UPK1B: variants seen among roughly 807,000 people sequenced by gnomAD.
UPK1B encodes uroplakin-1b.
A neutral mutation model predicts 34.2 loss-of-function variants in UPK1B; 28 were observed. The observed-to-expected ratio is 0.82, with a 90% CI of 0.61 to 1.12. UPK1B has a LOEUF of 1.12. Among genes scored for constraint, UPK1B ranks in the 50% most tolerant of loss-of-function variants. UPK1B has a pLI of 0.00. For synonymous variants in UPK1B, 81 were observed against 110.4 expected (o/e 0.73, Z 1.67); for missense variants, 325 against 320.9 (o/e 1.01, Z -0.10).
At chr3:119,184,678 A>G (rs1303041132) in intron 1 of UPK1B, among the ~76,000 whole-genome samples, 2 of 152,184 alleles carry the variant, frequency 1.3e-5, no homozygotes, top group Non-Finnish European at 2.9e-5. Flanking sequence ...GTGAGCCAAG[A>G]TCGTGCCACT....
chr3:119,190,212 G>C, intron 3 of UPK1B, 33 bp from the exon 4 acceptor site: 1 of 1,514,636 alleles, frequency 6.6e-7, no homozygotes, highest in Non-Finnish European at 9.0e-7. Flanking sequence ...ACGGGTAAAT[G>C]TAATTCTTTT....
At position 119,199,095 on chromosome 3, in the gene UPK1B, C is replaced by T. The variant is rs115585818; in HGVS notation, c.687C>T (p.His229=). ...TGATCTCTGGTCCAATGAACCGACA[C>T]GCCTGGGGGGTTGCCTGGTTTGGAT... ...YELISGPMNR[H]AWGVAWFGFA... The change falls in exon 7 of 8, where the codon CAC becomes CAT. Residue 229 remains histidine, a synonymous_variant. Coordinates refer to ENST00000264234, the MANE Select transcript of UPK1B (RefSeq NM_006952.4). 3,241 of 1,614,180 alleles carry T rather than the reference C, an allele frequency of 2.0e-3. 48 individuals are homozygous for T. In the African/African-American group the frequency reaches 0.035, roughly 17 times the overall value.
At chr3:119,180,794 A>G (rs575616796) in intron 1 of UPK1B, among the ~76,000 whole-genome samples, 2 of 152,304 alleles carry the variant, frequency 1.3e-5, no homozygotes, top group South Asian at 4.1e-4. Context: ...AAAGAACCCT[A>G]AACATCAGCC....
At chr3:119,190,377 A>G (rs2078038654) in intron 4 of UPK1B, 58 bp downstream of exon 4, 5 of 1,325,332 alleles carry the variant, frequency 3.8e-6, no homozygotes, top group Non-Finnish European at 5.4e-6. Context: ...AACAACCAAC[A>G]TGTATTAACC....
chr3:119,203,096 AC>A (rs1040537836), intron 7 of UPK1B, among the ~76,000 whole-genome samples: 3 of 152,062 alleles, frequency 2.0e-5, no homozygotes, highest in Non-Finnish European at 2.9e-5. Context: ...TAATCCCAGC[AC>A]TTTGGGAGGC....
At chr3:119,188,774 C>T (rs1265936215) in intron 3 of UPK1B, among the ~76,000 whole-genome samples, 1 of 152,186 alleles carries the variant, frequency 6.6e-6, no homozygotes, top group South Asian at 2.1e-4. Context: ...GAACACGCCT[C>T]CAATCCCCCA....
chr3:119,179,093 C>A (rs982367591), intron 1 of UPK1B, among the ~76,000 whole-genome samples: 2 of 151,850 alleles, frequency 1.3e-5, no homozygotes, highest in Non-Finnish European at 2.9e-5. Context: ...AATCTCCACA[C>A]TTTGGAAGGC....
At chr3:119,180,755 C>T (rs183024562) in intron 1 of UPK1B, among the ~76,000 whole-genome samples, 1 of 152,042 alleles carries the variant, frequency 6.6e-6, no homozygotes, top group Non-Finnish European at 1.5e-5. Context: ...CATTACTCTA[C>T]CCCTATGCAC....
At chr3:119,198,256 G>A (rs945316532) in intron 6 of UPK1B, among the ~76,000 whole-genome samples, 23 of 152,186 alleles carry the variant, frequency 1.5e-4, no homozygotes, top group African/African-American at 5.1e-4. Context: ...GTGGAAGATG[G>A]GGTGAGAGGC....
intron 1 of UPK1B, among the ~76,000 whole-genome samples, chr3:119,179,877 C>G (rs2077981532): frequency 7.4e-6 from 1 of 134,296 alleles, no homozygotes; most frequent in Middle Eastern, 4.3e-3. Flanking sequence ...CGGCTCATGG[C>G]AAACTCCGCC....
At chr3:119,186,083 G>T (rs6797796) in intron 1 of UPK1B, among the ~76,000 whole-genome samples, 3,375 of 152,194 alleles carry the variant, frequency 0.022, 89 homozygotes, top group East Asian at 0.13. Context: ...TTCTTCTTTT[G>T]CTACCGAACT....
intron 1 of UPK1B, among the ~76,000 whole-genome samples, chr3:119,179,520 T>TTTTTTTG: frequency 9.9e-6 from 1 of 100,662 alleles, no homozygotes; most frequent in Admixed American, 9.4e-5. Flanking sequence ...TTTTTTTTTT[T>TTTTTTTG]TTTTTTTGAG....
intron 1 of UPK1B, among the ~76,000 whole-genome samples, chr3:119,174,891 T>A (rs1576863875): frequency 1.0e-5 from 1 of 95,544 alleles, no homozygotes; most frequent in South Asian, 3.0e-4. Flanking sequence ...TCAACTCACC[T>A]ATTTTTTTTT....
intron 1 of UPK1B, among the ~76,000 whole-genome samples, chr3:119,181,176 G>A (rs1274341289): frequency 6.6e-6 from 1 of 152,186 alleles, no homozygotes; most frequent in Non-Finnish European, 1.5e-5. Flanking sequence ...TAGAGCTGGT[G>A]AGAAGATGCT....
At chr3:119,176,450 C>G (rs1033642250) in intron 1 of UPK1B, among the ~76,000 whole-genome samples, 1 of 151,894 alleles carries the variant, frequency 6.6e-6, no homozygotes, top group Non-Finnish European at 1.5e-5. Flanking sequence ...AGTGAAAGCA[C>G]AATAAAGAAA....
At chr3:119,203,634 C>T (rs2078104152) in intron 7 of UPK1B, among the ~76,000 whole-genome samples, 2 of 152,106 alleles carry the variant, frequency 1.3e-5, no homozygotes, top group Non-Finnish European at 2.9e-5. Flanking sequence ...GAACAACACA[C>T]ACCAGGGCCT....
At chr3:119,186,850 G>A (rs1375688290) in intron 2 of UPK1B, 40 bp downstream of exon 2, 4 of 1,588,348 alleles carry the variant, frequency 2.5e-6, no homozygotes, top group Middle Eastern at 1.7e-4. Context: ...TGCACTTCCT[G>A]TAATCATAAT....
intron 2 of UPK1B, 52 bp from the exon 3 acceptor site, chr3:119,187,723 C>T: frequency 6.3e-7 from 1 of 1,578,834 alleles, no homozygotes; most frequent in Non-Finnish European, 8.7e-7. Flanking sequence ...ACCCTCCACC[C>T]CCTTTCCCAA....
At position 119,204,505 on chromosome 3, in the gene UPK1B, C is replaced by G. The variant is rs2078110009; in HGVS notation, c.*538C>G. On this transcript the variant is annotated 3_prime_UTR_variant, in exon 8 of 8. Transcript: ENST00000264234. ...TGCCACCTTCAGATCCTTTTATTCT[C>G]CAGAATAATTCTTAACAGTGGTTCA... 2 of 153,574 alleles carry G rather than the reference C, an allele frequency of 1.3e-5. No individual in the cohort carries two copies. 9.5% of individuals were successfully genotyped at this position (153,574 alleles called of 1,614,324 possible). A position where few individuals can be genotyped will look rare whatever the true frequency, so the allele number is the denominator to read the frequency against.
Sources: gnomAD v4.1 joint callset for allele counts (sites outside exome capture counted in the v4.1 genomes callset) on GRCh38, gnomAD v4.1.1 for gene constraint, MANE v1.5 for transcripts, NCBI Gene and HGNC (gene_info 2026-07-23, HGNC 2026-07-21) for gene names.